The following CYRIA variants were observed in gnomAD, a reference collection of about 807,000 sequenced individuals.
CYRIA encodes the protein CYFIP related Rac1 interactor A.
A neutral mutation model predicts 43.9 loss-of-function variants in CYRIA; 15 were observed. The observed-to-expected ratio is 0.34, with a 90% confidence interval of 0.23 to 0.53. The LOEUF (loss-of-function observed/expected upper bound fraction) is 0.53. Ranked by LOEUF, CYRIA falls within the 20% of genes least tolerant of loss-of-function variation. CYRIA has a pLI of 0.94. For missense variants in CYRIA, 236 were observed against 394.2 expected, an observed-to-expected ratio of 0.60 and a Z score of 3.40; for synonymous variants, 117 against 136.0, an observed-to-expected ratio of 0.86 and a Z score of 0.97.
chr2:16,650,739 G>A lies in CYRIA; in HGVS notation c.-167+15041C>T, dbSNP rs1669952162. Among the ~76,000 whole-genome samples the A allele has an allele frequency of 6.6e-6, 1 of 152,172 alleles. No homozygotes were observed. Among genetic ancestry groups the A allele is most frequent in the Non-Finnish European group, 1.5e-5 (1 of 68,034 alleles). ...ATGCCTGCAACCGGCACCGGGAATG[G>A]CAACAATCAGAGGGTGTGTTATTTC... On this transcript the variant is annotated intron_variant, in intron 1 of 11. Coordinates refer to ENST00000381323, the MANE Select transcript of CYRIA (RefSeq NM_030797.4). This position sits in a 1 kb window ranked among gnomAD's most constrained non-coding sequence, Gnocchi z 4.1.
At chr2:16,648,844 G>C (rs562713034) in intron 1 of CYRIA, among the ~76,000 whole-genome samples, 8 of 152,294 alleles carry the variant, frequency 5.3e-5, no homozygotes, top group Non-Finnish European at 1.0e-4. Flanking sequence ...ACATTCTAGT[G>C]TGATATTTCC....
At chr2:16,649,065 T>C (rs1220071629) in intron 1 of CYRIA, among the ~76,000 whole-genome samples, 1 of 150,840 alleles carries the variant, frequency 6.6e-6, no homozygotes, top group Non-Finnish European at 1.5e-5. Context: ...TGGAAAATAC[T>C]CAGAAAAAAA....
At chr2:16,632,803 T>C (rs1030412596) in intron 1 of CYRIA, among the ~76,000 whole-genome samples, 1 of 152,064 alleles carries the variant, frequency 6.6e-6, no homozygotes, top group South Asian at 2.1e-4. Flanking sequence ...ACACTGGCAA[T>C]TGCGCTCCAG....
At chr2:16,553,987 A>G (rs1666409525) in intron 11 of CYRIA, among the ~76,000 whole-genome samples, 3 of 152,168 alleles carry the variant, frequency 2.0e-5, no homozygotes, top group South Asian at 4.1e-4. Context: ...AGTCTCTTCT[A>G]AAGGATGATG....
intron 10 of CYRIA, among the ~76,000 whole-genome samples, chr2:16,559,230 A>G (rs1027773793): frequency 2.0e-5 from 3 of 152,136 alleles, no homozygotes; most frequent in African/African-American, 7.2e-5. Context: ...TTAGAGACTG[A>G]GGGGATCAGC....
intron 7 of CYRIA, 37 bp from the exon 8 acceptor site, chr2:16,561,314 A>G (rs756692500): frequency 3.9e-6 from 6 of 1,541,584 alleles, no homozygotes; most frequent in Non-Finnish European, 5.4e-6. Context: ...ATTTATAAAG[A>G]GAAAGTCCAA....
At chr2:16,628,129 G>C (rs1669222857) in intron 1 of CYRIA, among the ~76,000 whole-genome samples, 1 of 151,656 alleles carries the variant, frequency 6.6e-6, no homozygotes, top group Admixed American at 6.6e-5. Flanking sequence ...ACAATGAAGA[G>C]CTAAAGCCAA....
intron 2 of CYRIA, among the ~76,000 whole-genome samples, chr2:16,619,877 T>C (rs1197075826): frequency 6.6e-6 from 1 of 152,216 alleles, no homozygotes; most frequent in Admixed American, 6.5e-5. Flanking sequence ...AGCATCTCTC[T>C]TCCAGCTCGC....
intron 2 of CYRIA, among the ~76,000 whole-genome samples, chr2:16,606,938 T>C (rs1306714942): frequency 6.6e-6 from 1 of 151,730 alleles, no homozygotes; most frequent in Non-Finnish European, 1.5e-5. Flanking sequence ...CAGGGGGATA[T>C]AAAAAATTAT....
At chr2:16,620,398 A>G (rs1404902419) in intron 2 of CYRIA, among the ~76,000 whole-genome samples, 2 of 152,250 alleles carry the variant, frequency 1.3e-5, no homozygotes, top group Non-Finnish European at 2.9e-5. Flanking sequence ...TGACAAGTTT[A>G]GCATTCACTG....
At chr2:16,633,226 T>C (rs901658888) in intron 1 of CYRIA, among the ~76,000 whole-genome samples, 1 of 152,142 alleles carries the variant, frequency 6.6e-6, no homozygotes, top group African/African-American at 2.4e-5. Context: ...GCCTAGACTT[T>C]CACCCCCCAC....
At chr2:16,580,012 ATCT>A (rs1667495549) in intron 3 of CYRIA, among the ~76,000 whole-genome samples, 1 of 151,590 alleles carries the variant, frequency 6.6e-6, no homozygotes, top group Non-Finnish European at 1.5e-5. Context: ...CAGTGGTGTG[ATCT>A]CAGATCACTG....
At chr2:16,630,908 C>T (rs1394411020) in intron 1 of CYRIA, among the ~76,000 whole-genome samples, 1 of 152,202 alleles carries the variant, frequency 6.6e-6, no homozygotes. Flanking sequence ...TGACAGCCTG[C>T]CTTGTCTCCA....
At chr2:16,656,448 A>C (rs1670115597) in intron 1 of CYRIA, among the ~76,000 whole-genome samples, 1 of 152,196 alleles carries the variant, frequency 6.6e-6, no homozygotes, top group South Asian at 2.1e-4. Context: ...ATGTGCGCTG[A>C]TGTGAACCAT....
chr2:16,624,670 T>C (rs1007893307), intron 1 of CYRIA, among the ~76,000 whole-genome samples: 1 of 152,210 alleles, frequency 6.6e-6, no homozygotes, highest in African/African-American at 2.4e-5. Context: ...ATGAACTCTT[T>C]TTCCATGAGT....
intron 1 of CYRIA, among the ~76,000 whole-genome samples, chr2:16,635,520 G>A (rs1032822037): frequency 1.3e-5 from 2 of 152,214 alleles, no homozygotes; most frequent in African/African-American, 4.8e-5. Context: ...AACGTGTCTA[G>A]TTGAAATAGC....
chr2:16,567,525 C>T (rs1029886500), intron 3 of CYRIA, among the ~76,000 whole-genome samples: 9 of 152,040 alleles, frequency 5.9e-5, no homozygotes, highest in African/African-American at 1.7e-4. Flanking sequence ...ATGCTGAGAT[C>T]GGTGAGGAAC....
intron 3 of CYRIA, among the ~76,000 whole-genome samples, chr2:16,576,575 T>C (rs548503285): frequency 6.6e-6 from 1 of 152,312 alleles, no homozygotes; most frequent in Non-Finnish European, 1.5e-5. Context: ...TTCTCTCCTA[T>C]GAATCCTGGA....
intron 2 of CYRIA, among the ~76,000 whole-genome samples, chr2:16,614,833 G>A (rs1314455927): frequency 2.0e-5 from 3 of 152,222 alleles, no homozygotes; most frequent in Non-Finnish European, 4.4e-5. Context: ...TTTCTTGAAT[G>A]CCTACTGGAT....
Sources: allele counts gnomAD v4.1 joint callset (sites outside exome capture counted in the v4.1 genomes callset), GRCh38; gene constraint gnomAD v4.1.1; non-coding constraint Gnocchi (gnomAD v3.1); transcripts MANE v1.5; gene names NCBI Gene and HGNC (gene_info 2026-07-23, HGNC 2026-07-21).